Variants in CSMD1 observed in about 807,000 individuals in gnomAD.
CSMD1 encodes CUB and sushi domain-containing protein 1.
Under a neutral mutation model 417.5 loss-of-function variants are expected in CSMD1, and 213 were observed. The observed-to-expected ratio is 0.51, with a 90% confidence interval of 0.46 to 0.57. The LOEUF is 0.57. Ranked by LOEUF, CSMD1 falls within the 20% of genes least tolerant of loss-of-function variation. The probability of loss-of-function intolerance (pLI) is 0.00; values close to 1 mark genes in which losing one functional copy is unlikely to be tolerated. For synonymous variants in CSMD1, 2,862 were observed against 1,736.8 expected (o/e 1.65, Z -16.11); for missense variants, 6,923 against 4,529.7 (o/e 1.53, Z -15.17).
chr8:3,232,465 C>A (rs1798898322), intron 26 of CSMD1, among the ~76,000 whole-genome samples: 1 of 152,158 alleles, frequency 6.6e-6, no homozygotes, highest in Admixed American at 6.5e-5. Context: ...TGCAGGAATG[C>A]ACCATGATTT....
chr8:4,724,832 G>A (rs181822188), intron 1 of CSMD1, among the ~76,000 whole-genome samples: 32 of 152,148 alleles, frequency 2.1e-4, no homozygotes, highest in African/African-American at 7.7e-4. Flanking sequence ...AATATAGCCT[G>A]TATGTTTAAA....
chr8:2,963,503 T>C lies in CSMD1; in HGVS notation c.9281-108A>G, dbSNP rs1030495786. ...ACCTGAATTACAAATGACATCTACA[T>C]AGGTTTTTAAAAAAAAATAATAAAA... On this transcript the variant is annotated intron_variant, in intron 59 of 69. Transcript: ENST00000635120. 3.7e-6 allele frequency: 4 copies of C among 1,087,372 alleles called. No homozygotes were observed. The East Asian group carries it at 7.2e-5, about 19-fold the overall frequency. 67.4% of individuals were successfully genotyped at this position (1,087,372 alleles called of 1,614,324 possible). A position where few individuals can be genotyped will look rare whatever the true frequency, so the allele number is the denominator to read the frequency against.
chr8:3,390,282 G>A (rs1046992015), intron 17 of CSMD1, among the ~76,000 whole-genome samples: 12 of 146,672 alleles, frequency 8.2e-5, no homozygotes, highest in African/African-American at 3.1e-4. Flanking sequence ...TTGAACTCAG[G>A]AGGCAGAGGA....
chr8:4,855,790 G>C (rs965464738), intron 1 of CSMD1, among the ~76,000 whole-genome samples: 8 of 151,758 alleles, frequency 5.3e-5, no homozygotes, highest in Admixed American at 2.6e-4. Flanking sequence ...ACGTCTGATT[G>C]GTGTACCTGA....
At chr8:3,496,283 C>G (rs1796361103) in intron 10 of CSMD1, among the ~76,000 whole-genome samples, 1 of 152,192 alleles carries the variant, frequency 6.6e-6, no homozygotes, top group African/African-American at 2.4e-5. Context: ...CTATCCCCTT[C>G]ATAACATTCC....
chr8:3,218,803 C>T (rs563978838), intron 29 of CSMD1, among the ~76,000 whole-genome samples: 10 of 151,934 alleles, frequency 6.6e-5, no homozygotes, highest in African/African-American at 1.4e-4. Context: ...ACCCGGGAGG[C>T]GGAGGTTGCA....
At chr8:3,596,106 C>A (rs775243732) in intron 8 of CSMD1, among the ~76,000 whole-genome samples, 2 of 152,120 alleles carry the variant, frequency 1.3e-5, no homozygotes, top group Non-Finnish European at 2.9e-5. Context: ...AGGCGTTTTG[C>A]GGATCATGCT....
chr8:4,268,111 A>C (rs923909798), intron 3 of CSMD1, among the ~76,000 whole-genome samples: 5 of 152,196 alleles, frequency 3.3e-5, no homozygotes, highest in African/African-American at 1.2e-4. Flanking sequence ...ACCTAATCCA[A>C]GAATATTGAC....
intron 1 of CSMD1, among the ~76,000 whole-genome samples, chr8:4,738,345 C>T (rs1810375154): frequency 6.6e-6 from 1 of 152,114 alleles, no homozygotes; most frequent in Admixed American, 6.6e-5. Context: ...GGCGAAGAGG[C>T]CTCAGAAAAC....
chr8:4,964,554 T>C (rs1322791763), intron 1 of CSMD1, among the ~76,000 whole-genome samples: 1 of 116,476 alleles, frequency 8.6e-6, no homozygotes, highest in African/African-American at 3.4e-5. Context: ...AAAAAAAGGA[T>C]GACTAGCAGG....
At chr8:4,152,454 T>A (rs780291484) in intron 3 of CSMD1, among the ~76,000 whole-genome samples, 35 of 151,738 alleles carry the variant, frequency 2.3e-4, no homozygotes, top group Non-Finnish European at 4.1e-4. Flanking sequence ...GCAAGTGGCT[T>A]GCTTGAGCCC....
chr8:4,312,693 C>T (rs182312694), intron 3 of CSMD1, among the ~76,000 whole-genome samples: 28 of 151,838 alleles, frequency 1.8e-4, no homozygotes, highest in African/African-American at 5.6e-4. Flanking sequence ...CCTGGCCAAC[C>T]TGACGAAACC....
intron 3 of CSMD1, among the ~76,000 whole-genome samples, chr8:4,356,593 C>A (rs1801445261): frequency 6.6e-6 from 1 of 152,108 alleles, no homozygotes; most frequent in African/African-American, 2.4e-5. Flanking sequence ...TTACCTCTAT[C>A]CTGTAAGCAT....
intron 3 of CSMD1, among the ~76,000 whole-genome samples, chr8:4,372,631 TAAAAAA>T (rs10606022): frequency 2.7e-5 from 4 of 145,474 alleles, no homozygotes; most frequent in Admixed American, 6.8e-5. Context: ...AAGGAAGTGT[TAAAAAA>T]AAAAAAAAAA....
intron 10 of CSMD1, among the ~76,000 whole-genome samples, chr8:3,495,420 C>T (rs143149526): frequency 6.6e-6 from 1 of 152,052 alleles, no homozygotes; most frequent in African/African-American, 2.4e-5. Flanking sequence ...ATAGGGGTCA[C>T]ACTATATGAA....
At chr8:4,138,635 T>C (rs1266083268) in intron 3 of CSMD1, among the ~76,000 whole-genome samples, 1 of 143,126 alleles carries the variant, frequency 7.0e-6, no homozygotes, top group South Asian at 2.3e-4. Flanking sequence ...GGAAAAAACA[T>C]CTCTTAAGGT....
intron 30 of CSMD1, 138 bp downstream of exon 30, chr8:3,214,359 C>T (rs139203391): frequency 1.7e-5 from 12 of 687,208 alleles, no homozygotes; most frequent in Admixed American, 1.0e-4. Flanking sequence ...GACTGATATT[C>T]GTTCCACACT....
At chr8:3,015,592 C>T (rs1021964768) in intron 52 of CSMD1, among the ~76,000 whole-genome samples, 3 of 151,854 alleles carry the variant, frequency 2.0e-5, no homozygotes, top group Admixed American at 6.6e-5. Flanking sequence ...ACTCACATGG[C>T]GTCTTGTGAA....
At position 3,977,434 on chromosome 8, in the gene CSMD1, T is replaced by C. The variant is rs75490518; in HGVS notation, c.818+20469A>G. On this transcript the variant is annotated intron_variant, in intron 5 of 69. Coordinates refer to ENST00000635120, the MANE Select transcript of CSMD1 (RefSeq NM_033225.6). The stretch of plus-strand genomic sequence containing the variant: ...TTTGTTGTTGTTCCTGTTTTTTCCA[T>C]GTTCTCTGAGTTGTTTTGGATGGCA... 4.8e-3 allele frequency among the ~76,000 whole-genome samples: 728 copies of C among 152,272 alleles called. 10 individuals are homozygous for C. Among genetic ancestry groups the C allele is most frequent in the African/African-American group, 0.017 (696 of 41,558 alleles).
Sources: gnomAD v4.1 joint callset for allele counts (sites outside exome capture counted in the v4.1 genomes callset) on GRCh38, gnomAD v4.1.1 for gene constraint, MANE v1.5 for transcripts, NCBI Gene and HGNC (gene_info 2026-07-23, HGNC 2026-07-21) for gene names.